The following BRPF1 variants were observed in gnomAD, a reference collection of about 807,000 sequenced individuals.
The protein encoded by BRPF1 is bromodomain and PHD finger containing 1.
BRPF1 carries 15 observed loss-of-function variants against 115.0 expected under a neutral mutation model. The ratio of observed to expected loss-of-function variants is 0.13; its 90% CI spans 0.09 to 0.20. The LOEUF is 0.20. Ranked by LOEUF, BRPF1 falls within the 10% of genes least tolerant of loss-of-function variation. BRPF1 has a pLI of 1.00. For missense variants in BRPF1, 1,118 were observed against 1,638.3 expected, an observed-to-expected ratio of 0.68 and a Z score of 5.48; for synonymous variants, 647 against 619.8, an observed-to-expected ratio of 1.04 and a Z score of -0.65.
In BRPF1 at chr3:9,744,417, T is replaced by C. The variant is rs1462431341; in HGVS notation, c.2829T>C (p.Ser943=). 1.2e-6 allele frequency: 2 copies of C among 1,609,278 alleles called. No homozygotes were observed. Among genetic ancestry groups the C allele is most frequent in the Non-Finnish European group, 1.7e-6 (2 of 1,178,218 alleles). The part of the protein sequence containing the change: ...PVGPPQLPIM[S]SLRQRKRGRS... ...GGCCCCCCCAGCTCCCCATCATGAG[T>C]TCCCTGCGTCAGCGCAAGCGGGGTA... Residue 943 remains serine (S), a synonymous_variant, in exon 9 of 14, where the codon AGT becomes AGC. Transcript: ENST00000383829.
Position 9,731,846 on chromosome 3 carries a change from T to A in BRPF1, c.-303T>A, listed in dbSNP as rs920147925. 2 of 153,184 alleles carry A rather than the reference T, an allele frequency of 1.3e-5. No homozygotes were observed. Among genetic ancestry groups the A allele is most frequent in the Non-Finnish European group, 2.9e-5 (2 of 68,196 alleles). 9.5% of individuals were successfully genotyped at this position (153,184 alleles called of 1,614,324 possible). A position where few individuals can be genotyped will look rare whatever the true frequency, so the allele number is the denominator to read the frequency against. On this transcript the variant is annotated 5_prime_UTR_variant, in exon 1 of 14. Transcript: ENST00000383829. ...CGCTGCCTCTGGGAGCCTCCATTGT[T>A]CCAGCAGCGCCCGGTCCCGAGACCG... is the stretch of plus-strand genomic sequence containing the variant.
At chr3:9,738,961 T>C (rs755236897) in intron 2 of BRPF1, 38 bp from the exon 3 acceptor site, 53 of 1,518,620 alleles carry the variant, frequency 3.5e-5, no homozygotes, top group Non-Finnish European at 4.3e-5. Context: ...GAGGGAAATC[T>C]CAACCATGTG....
In BRPF1 at chr3:9,734,008, G is replaced by GAGGT. The variant is rs1358772621; in HGVS notation, c.-10-119_-10-116dup. 28 of 1,469,424 alleles carry GAGGT rather than the reference G, an allele frequency of 1.9e-5. No homozygotes were observed. The African/African-American group carries it at 3.4e-4, about 18-fold the overall frequency. 91.0% of individuals were successfully genotyped at this position (1,469,424 alleles called of 1,614,324 possible). A position where few individuals can be genotyped will look rare whatever the true frequency, so the allele number is the denominator to read the frequency against. On this transcript the variant is annotated intron_variant, in intron 1 of 13. Transcript: ENST00000383829. The surrounding 1 kb of genome is among the most constrained non-coding windows in gnomAD (Gnocchi z 5.7). ...GGAGATGGCATTTGGAGACACTGTAGAGGTAGGCTGGCCAGAATCTGGTGA... is the reference window on the plus strand; with the variant it reads ...GGAGATGGCATTTGGAGACACTGTAGAGGTAGGTAGGCTGGCCAGAATCTGGTGA...
In BRPF1 at chr3:9,731,751, G is replaced by C. The variant is rs2076853367; in HGVS notation, c.-398G>C. 6.4e-6 allele frequency: 1 copy of C among 156,730 alleles called. No individual in the cohort carries two copies. Among genetic ancestry groups the C allele is most frequent in the Non-Finnish European group, 1.4e-5 (1 of 71,150 alleles). The allele number at this position is 156,730 out of a possible 1,614,324, so 9.7% of individuals were successfully genotyped here. ...GCCACGTTTACCCTGCGCAGACGCC[G>C]TCGCCGCCGCTGCTGCCGCCGCCGC... On this transcript the variant is annotated 5_prime_UTR_variant, in exon 1 of 14. Transcript: ENST00000383829.
chr3:9,745,645 G>A lies in BRPF1; in HGVS notation c.3141G>A (p.Glu1047=). The change falls in exon 11 of 14, where the codon GAG becomes GAA. Residue 1047 remains glutamate (E), a synonymous_variant. Coordinates refer to ENST00000383829, the MANE Select transcript of BRPF1 (RefSeq NM_001003694.2). This position sits in a 1 kb window ranked among gnomAD's most constrained non-coding sequence, Gnocchi z 5.1. ...GCACTTTCCCAGAGGACAGCAGTGA[G>A]GATACCTCAGGCACTGAGAATGAGG... ...SRGTFPEDSS[E]DTSGTENEAY... is the part of the protein sequence containing the mutation. The A allele has an allele frequency of 6.2e-7, 1 of 1,614,258 alleles. No individual in the cohort carries two copies. The highest frequency in any genetic ancestry group is 1.1e-5 in the South Asian group (1 of 91,088).
At chr3:9,746,242 AG>A in intron 12 of BRPF1, 57 bp from the exon 13 acceptor site, 2 of 1,488,014 alleles carry the variant, frequency 1.3e-6, no homozygotes, top group East Asian at 4.7e-5. Context: ...GTTCTTGAGG[AG>A]GAAAAGCCTT....
At chr3:9,741,986 T>C in intron 5 of BRPF1, 39 bp from the exon 6 acceptor site, 1 of 1,610,944 alleles carries the variant, frequency 6.2e-7, no homozygotes, top group Non-Finnish European at 8.5e-7. Context: ...GCCACTGAAC[T>C]GGCCGAGGCC....
At chr3:9,740,434 A>G (rs2077010088) in intron 3 of BRPF1, among the ~76,000 whole-genome samples, 1 of 152,038 alleles carries the variant, frequency 6.6e-6, no homozygotes, top group Admixed American at 6.5e-5. Context: ...GTACAGTTGT[A>G]CTTCATTTTA....
Position 9,743,219 on chromosome 3 carries a change from G to A in BRPF1, c.2277G>A (p.Leu759=). The change falls in exon 7 of 14, where the codon CTG becomes CTA. Residue 759 remains leucine (L), a synonymous_variant. Coordinates refer to ENST00000383829, the MANE Select transcript of BRPF1 (RefSeq NM_001003694.2). The surrounding 1 kb of genome is among the most constrained non-coding windows in gnomAD (Gnocchi z 6.1). The part of the protein sequence containing the change: ...FETGMHIPHS[L]AGDEATHHTE... Reference sequence around the variant, plus strand: ...CGGGCATGCATATCCCCCACAGCCTGGCTGGAGATGAGGCCACACACCACA... The same window carrying A: ...CGGGCATGCATATCCCCCACAGCCTAGCTGGAGATGAGGCCACACACCACA... The A allele has an allele frequency of 6.2e-7, 1 of 1,614,058 alleles. No homozygotes were observed. Among genetic ancestry groups the A allele is most frequent in the Non-Finnish European group, 8.5e-7 (1 of 1,179,928 alleles).
At position 9,743,664 on chromosome 3, in the gene BRPF1, G is replaced by A. The variant is rs764575036; in HGVS notation, c.2398G>A (p.Asp800Asn). The change falls in exon 8 of 14, where the codon GAC becomes AAC. Residue 800 changes from aspartate (D) to asparagine (N), a missense_variant. By Grantham distance (23) the Asp-to-Asn change is conservative. Coordinates refer to ENST00000383829, the MANE Select transcript of BRPF1 (RefSeq NM_001003694.2). The surrounding 1 kb of genome is among the most constrained non-coding windows in gnomAD (Gnocchi z 6.1). ...EQLKLLLERLDEVNASKQSVG... is the reference protein window; with the variant it reads ...EQLKLLLERLNEVNASKQSVG... ...GCTAAAGCTGCTTCTGGAGCGGCTG[G>A]ACGAAGTGAATGCCAGCAAGCAGAG... 1.2e-6 allele frequency: 2 copies of A among 1,614,062 alleles called. No homozygotes were observed. The highest frequency in any genetic ancestry group is 1.7e-5 in the Admixed American group (1 of 60,010).
At chr3:9,736,790 A>T (rs2076949302) in intron 2 of BRPF1, among the ~76,000 whole-genome samples, 1 of 152,242 alleles carries the variant, frequency 6.6e-6, no homozygotes, top group Non-Finnish European at 1.5e-5. Flanking sequence ...TAAATTGAGA[A>T]GATTTGAGGT....
chr3:9,734,099 C>T lies in BRPF1; in HGVS notation c.-10-32C>T. On this transcript the variant is annotated intron_variant, in intron 1 of 13. Transcript: ENST00000383829. The surrounding 1 kb of genome is among the most constrained non-coding windows in gnomAD (Gnocchi z 5.7). ...GTGCAAATGGCCAGGAACTCATCCC[C>T]AGCCTTATGTTAACTGATCTGTGTA... is the stretch of plus-strand genomic sequence containing the variant. The T allele has an allele frequency of 6.5e-7, 1 of 1,537,718 alleles. No individual in the cohort carries two copies. The highest frequency in any genetic ancestry group is 8.8e-7 in the Non-Finnish European group (1 of 1,141,152).
At chr3:9,741,243 C>T (rs749070242) in intron 4 of BRPF1, 65 bp from the exon 5 acceptor site, 4 of 1,513,578 alleles carry the variant, frequency 2.6e-6, no homozygotes, top group Admixed American at 2.3e-5. Context: ...CCTGGGCTCT[C>T]TTCTCCCTGT....
In BRPF1 at chr3:9,747,223, G is replaced by A. The variant is rs764113288; in HGVS notation, c.3537G>A (p.Lys1179=). 3.7e-6 allele frequency: 6 copies of A among 1,614,072 alleles called. No individual in the cohort carries two copies. The highest frequency in any genetic ancestry group is 5.1e-6 in the Non-Finnish European group (6 of 1,180,054). The change falls in exon 14 of 14, where the codon AAG becomes AAA. Residue 1179 remains lysine (K), a synonymous_variant. Transcript: ENST00000383829. The surrounding 1 kb of genome is among the most constrained non-coding windows in gnomAD (Gnocchi z 5.6). Reference sequence around the variant, plus strand: ...TGGGTGTGAACCAGGACCTAGACAAGGAGAAGATGCTGGAGGGCCGCAAGT... The same window carrying A: ...TGGGTGTGAACCAGGACCTAGACAAAGAGAAGATGCTGGAGGGCCGCAAGT... ...VPLGVNQDLD[K]EKMLEGRKSN... is the part of the protein sequence containing the mutation.
chr3:9,738,135 G>A (rs896621248), intron 2 of BRPF1, among the ~76,000 whole-genome samples: 1 of 152,088 alleles, frequency 6.6e-6, no homozygotes, highest in Non-Finnish European at 1.5e-5. Flanking sequence ...GACAAGCACC[G>A]AGAGCAGCCC....
intron 5 of BRPF1, 27 bp from the exon 6 acceptor site, chr3:9,741,998 G>A: frequency 1.2e-6 from 2 of 1,613,186 alleles, no homozygotes; most frequent in South Asian, 1.1e-5. Context: ...GCCGAGGCCT[G>A]GCTGATCAGG....
At position 9,747,848 on chromosome 3, in the gene BRPF1, G is replaced by A. The variant is rs977287274; in HGVS notation, c.*499G>A. ...TATTCTCATTTGTAACTGCGTTTCC[G>A]GGTCGCGCCAGAGTCATTTGGTACT... On this transcript the variant is annotated 3_prime_UTR_variant, in exon 14 of 14. Transcript: ENST00000383829. This position sits in a 1 kb window ranked among gnomAD's most constrained non-coding sequence, Gnocchi z 5.6. 4.6e-5 allele frequency: 7 copies of A among 151,870 alleles called. No individual in the cohort carries two copies. The highest frequency in any genetic ancestry group is 1.2e-4 in the African/African-American group (5 of 41,114). The allele number at this position is 151,870 out of a possible 1,614,324, so 9.4% of individuals were successfully genotyped here.
Position 9,739,032 on chromosome 3 carries a change from G to A in BRPF1, c.633G>A (p.Glu211=). Residue 211 remains glutamate (E), a synonymous_variant, in exon 3 of 14, where the codon GAG becomes GAA. Transcript: ENST00000383829. ...YIEKSAEELD[E]EVEYDMDEED... The stretch of plus-strand genomic sequence containing the variant: ...AGAAGTCTGCAGAGGAGCTGGACGA[G>A]GAAGTAGAGTATGACATGGACGAGG... 4 of 1,595,432 alleles carry A rather than the reference G, an allele frequency of 2.5e-6. No homozygotes were observed. Among genetic ancestry groups the A allele is most frequent in the Non-Finnish European group, 3.4e-6 (4 of 1,168,264 alleles).
In BRPF1 at chr3:9,743,193, A is replaced by G. The variant is rs1220501434; in HGVS notation, c.2251A>G (p.Thr751Ala). The change falls in exon 7 of 14, where the codon ACG (threonine) becomes GCG (alanine). Residue 751 changes from threonine (T) to alanine (A), a missense_variant. Thr to Ala is a moderately conservative substitution (Grantham distance 58). Around this residue, in one of 10 missense-constraint regions of BRPF1, gnomAD observed 223 missense variants for 240.7 expected, o/e 0.93. Transcript: ENST00000383829. The surrounding 1 kb of genome is among the most constrained non-coding windows in gnomAD (Gnocchi z 6.1). Reference sequence around the variant, plus strand: ...AGAAAAAATGGGCATTGACTTTGAGACGGGCATGCATATCCCCCACAGCCT... The same window carrying G: ...AGAAAAAATGGGCATTGACTTTGAGGCGGGCATGCATATCCCCCACAGCCT... ...QAEKMGIDFE[T>A]GMHIPHSLAG... The G allele has an allele frequency of 6.2e-7, 1 of 1,614,214 alleles. No homozygotes were observed. Among genetic ancestry groups the G allele is most frequent in the Non-Finnish European group, 8.5e-7 (1 of 1,180,046 alleles).
Sources: gnomAD v4.1 joint callset for allele counts (sites outside exome capture counted in the v4.1 genomes callset) on GRCh38, gnomAD v4.1.1 for gene constraint, gnomAD v4.1.1 regional missense constraint, Gnocchi (gnomAD v3.1) non-coding constraint, MANE v1.5 for transcripts, NCBI Gene and HGNC (gene_info 2026-07-23, HGNC 2026-07-21) for gene names.